DLGAP1: variants seen among roughly 807,000 people sequenced by gnomAD.
The protein encoded by DLGAP1 is disks large-associated protein 1.
In DLGAP1, 11 loss-of-function variants were observed where a neutral mutation model predicts 90.8. That is an observed-to-expected ratio of 0.12 (90% CI 0.08 to 0.20). The LOEUF (loss-of-function observed/expected upper bound fraction) is 0.20, where lower values mean the gene tolerates loss of function less well. Ranked by LOEUF, DLGAP1 falls within the 10% of genes least tolerant of loss-of-function variation. The pLI is 1.00. For synonymous variants in DLGAP1, 558 were observed against 540.7 expected (o/e 1.03, Z -0.44); for missense variants, 1,050 against 1,333.8 (o/e 0.79, Z 3.31).
chr18:4,040,320 T>G (rs1334479312), intron 2 of DLGAP1, among the ~76,000 whole-genome samples: 1 of 152,248 alleles, frequency 6.6e-6, no homozygotes, highest in African/African-American at 2.4e-5. Flanking sequence ...CAGTGAACAC[T>G]CACTTAATGT....
At chr18:4,206,055 T>C (rs993908240) in intron 1 of DLGAP1, among the ~76,000 whole-genome samples, 2 of 152,064 alleles carry the variant, frequency 1.3e-5, no homozygotes, top group African/African-American at 4.8e-5. Flanking sequence ...AAGTATCTGG[T>C]ATAGATGCCT....
chr18:4,017,079 G>A (rs2074535545), intron 2 of DLGAP1, among the ~76,000 whole-genome samples: 1 of 152,126 alleles, frequency 6.6e-6, no homozygotes, highest in Non-Finnish European at 1.5e-5. Context: ...TCACGTTTGG[G>A]TAGTCAAAAT....
chr18:4,051,107 G>A (rs1260315751), intron 2 of DLGAP1, among the ~76,000 whole-genome samples: 3 of 152,144 alleles, frequency 2.0e-5, no homozygotes, highest in East Asian at 3.9e-4. Context: ...GTTTCTTTTG[G>A]GGGCAGCCTC....
At chr18:4,246,767 A>G (rs2078661109) in intron 1 of DLGAP1, among the ~76,000 whole-genome samples, 1 of 152,264 alleles carries the variant, frequency 6.6e-6, no homozygotes, top group East Asian at 1.9e-4. Flanking sequence ...AAGAAAAGCA[A>G]GAAGGGTTGT....
chr18:4,121,276 T>C (rs1598435059), intron 2 of DLGAP1, among the ~76,000 whole-genome samples: 1 of 151,810 alleles, frequency 6.6e-6, no homozygotes, highest in Non-Finnish European at 1.5e-5. Flanking sequence ...AACTCAAGGA[T>C]AGATTGATGT....
intron 7 of DLGAP1, among the ~76,000 whole-genome samples, chr18:3,623,894 G>A (rs994980503): frequency 6.6e-6 from 1 of 151,702 alleles, no homozygotes; most frequent in Admixed American, 6.6e-5. Flanking sequence ...GCCGGTCCCC[G>A]TGCGGATGCC....
At chr18:3,815,401 C>T (rs200009382) in intron 4 of DLGAP1, among the ~76,000 whole-genome samples, 1 of 11,384 alleles carries the variant, frequency 8.8e-5, no homozygotes, top group Non-Finnish European at 1.8e-4. Context: ...TTTTCTTGGC[C>T]TCTGCACACC....
intron 3 of DLGAP1, among the ~76,000 whole-genome samples, chr18:3,948,756 T>A: frequency 6.6e-6 from 1 of 151,984 alleles, no homozygotes; most frequent in East Asian, 1.9e-4. Context: ...ACAATGGACT[T>A]GGGGGACTCA....
At chr18:4,276,186 T>TA (rs2079409450) in intron 1 of DLGAP1, among the ~76,000 whole-genome samples, 1 of 149,758 alleles carries the variant, frequency 6.7e-6, no homozygotes, top group Non-Finnish European at 1.5e-5. Flanking sequence ...TTTTTTTTTT[T>TA]AATGCAGGGC....
At chr18:3,600,274 G>A (rs908673820) in intron 7 of DLGAP1, among the ~76,000 whole-genome samples, 4 of 151,602 alleles carry the variant, frequency 2.6e-5, no homozygotes, top group Non-Finnish European at 4.4e-5. Context: ...TTTATGAGAC[G>A]GAGTTTCTCT....
intron 5 of DLGAP1, among the ~76,000 whole-genome samples, chr18:3,786,701 A>G (rs537464812): frequency 3.9e-5 from 6 of 152,208 alleles, no homozygotes; most frequent in Non-Finnish European, 7.3e-5. Flanking sequence ...TACCTCAAAA[A>G]TAAGCTAAGT....
At chr18:3,962,983 A>G (rs984778717) in intron 3 of DLGAP1, among the ~76,000 whole-genome samples, 8 of 152,108 alleles carry the variant, frequency 5.3e-5, no homozygotes, top group African/African-American at 1.9e-4. Flanking sequence ...TCAGTTATCT[A>G]TTCATGCTCA....
At chr18:3,618,755 G>A (rs1328146006) in intron 7 of DLGAP1, among the ~76,000 whole-genome samples, 6 of 149,448 alleles carry the variant, frequency 4.0e-5, no homozygotes, top group Non-Finnish European at 8.9e-5. Context: ...TGGCTAACAC[G>A]GTGAAACCCC....
chr18:3,969,337 A>T (rs529486630), intron 3 of DLGAP1, among the ~76,000 whole-genome samples: 3 of 152,336 alleles, frequency 2.0e-5, no homozygotes, highest in South Asian at 4.1e-4. Flanking sequence ...TTGAAGACTA[A>T]GTGGCAGAGA....
intron 11 of DLGAP1, among the ~76,000 whole-genome samples, chr18:3,506,751 G>A (rs2050250643): frequency 6.6e-6 from 1 of 152,044 alleles, no homozygotes; most frequent in Non-Finnish European, 1.5e-5. Flanking sequence ...ACATGTTTGA[G>A]CAACACGGCT....
chr18:4,211,827 C>T (rs1412253750), intron 1 of DLGAP1, among the ~76,000 whole-genome samples: 1 of 152,158 alleles, frequency 6.6e-6, no homozygotes, highest in African/African-American at 2.4e-5. Flanking sequence ...ACAAAAGTCA[C>T]TGTAGTAATG....
At chr18:4,205,613 C>T (rs1229668197) in intron 1 of DLGAP1, among the ~76,000 whole-genome samples, 2 of 152,206 alleles carry the variant, frequency 1.3e-5, no homozygotes, top group African/African-American at 2.4e-5. Context: ...TGGCCTTAGC[C>T]TCCCAAACTG....
chr18:3,732,090 T>G (rs1045501837), intron 6 of DLGAP1, among the ~76,000 whole-genome samples: 1 of 152,354 alleles, frequency 6.6e-6, no homozygotes, highest in Middle Eastern at 3.4e-3. Flanking sequence ...TATTTTGACT[T>G]ATCTATTGAG....
chr18:3,784,672 A>T (rs2065363115), intron 5 of DLGAP1, among the ~76,000 whole-genome samples: 1 of 152,192 alleles, frequency 6.6e-6, no homozygotes, highest in African/African-American at 2.4e-5. Context: ...CTGACGAGGA[A>T]AAAAGGGGGA....
Sources: allele counts gnomAD v4.1 joint callset (sites outside exome capture counted in the v4.1 genomes callset), GRCh38; gene constraint gnomAD v4.1.1; transcripts MANE v1.5; gene names NCBI Gene and HGNC (gene_info 2026-07-23, HGNC 2026-07-21).